The following CCDC7 variants were observed in gnomAD, a reference collection of about 807,000 sequenced individuals.
CCDC7 encodes coiled-coil domain containing 7.
CCDC7 carries 183 observed loss-of-function variants against 196.9 expected under a neutral mutation model. The observed-to-expected ratio is 0.93, with a 90% CI of 0.82 to 1.05. The LOEUF (loss-of-function observed/expected upper bound fraction) is 1.05. Among genes scored for constraint, CCDC7 ranks in the 50% least tolerant of loss-of-function variants. The probability of loss-of-function intolerance (pLI) is 0.00; values close to 1 mark genes in which losing one functional copy is unlikely to be tolerated. For missense variants in CCDC7, 1,540 were observed against 1,482.2 expected, an observed-to-expected ratio of 1.04 and a Z score of -0.64; for synonymous variants, 525 against 484.6, an observed-to-expected ratio of 1.08 and a Z score of -1.10.
chr10:32,620,037 C>G (rs1019030227), intron 18 of CCDC7, among the ~76,000 whole-genome samples: 1 of 148,754 alleles, frequency 6.7e-6, no homozygotes, highest in Admixed American at 6.8e-5. Flanking sequence ...ATTTTCCTGC[C>G]TCAGCCTCCT....
At chr10:32,447,098 C>T (rs1315246224), upstream of CCDC7, among the ~76,000 whole-genome samples, 1 of 152,094 alleles carries the variant, frequency 6.6e-6, no homozygotes, top group Middle Eastern at 3.2e-3. Flanking sequence ...TTCTTTACTC[C>T]CTTTTATAGT....
chr10:32,517,831 ACAG>A, intron 9 of CCDC7, 111 bp from the exon 11 acceptor site: 1 of 1,142,158 alleles, frequency 8.8e-7, no homozygotes, highest in Non-Finnish European at 1.2e-6. Flanking sequence ...GCAGAATAAA[ACAG>A]CAGCAACTAA....
chr10:32,596,142 G>T (rs1355295507), intron 18 of CCDC7, among the ~76,000 whole-genome samples: 1 of 152,118 alleles, frequency 6.6e-6, no homozygotes, highest in Non-Finnish European at 1.5e-5. Context: ...TGACAGTGGG[G>T]TGTTAAAATC....
intron 32 of CCDC7, among the ~76,000 whole-genome samples, chr10:32,831,327 A>G (rs1000829839): frequency 6.6e-6 from 1 of 152,208 alleles, no homozygotes; most frequent in Admixed American, 6.5e-5. Flanking sequence ...GTGAGCAGTG[A>G]GTGAATGCAA....
At chr10:32,621,829 C>T (rs939308735) in intron 18 of CCDC7, among the ~76,000 whole-genome samples, 11 of 152,174 alleles carry the variant, frequency 7.2e-5, no homozygotes, top group African/African-American at 2.7e-4. Flanking sequence ...TGGATGACAC[C>T]TGTCCACATT....
rs1379748861 is a variant in CCDC7 at position 32,729,004 on chromosome 10, A to G, written c.2779+7A>G. 2 of 1,519,520 alleles carry G rather than the reference A, an allele frequency of 1.3e-6. No homozygotes were observed. Among genetic ancestry groups the G allele is most frequent in the Non-Finnish European group, 9.1e-7 (1 of 1,101,106 alleles). 94.1% of individuals were successfully genotyped at this position (1,519,520 alleles called of 1,614,324 possible). ...GGAGTGGAAAGACACAAGAGTGAGT[A>G]TAATAATTATCGATAACTTTAAATT... On this transcript the variant is annotated splice_region_variant and intron_variant, in intron 27 of 41. Transcript: ENST00000639629.
chr10:32,488,794 G>A (rs565655623), intron 8 of CCDC7, among the ~76,000 whole-genome samples: 25 of 152,046 alleles, frequency 1.6e-4, no homozygotes, highest in Admixed American at 1.4e-3. Context: ...TGAATATTTC[G>A]TCAGATATTG....
intron 28 of CCDC7, among the ~76,000 whole-genome samples, chr10:32,741,307 CAGAT>C (rs2085797334): frequency 6.6e-6 from 1 of 152,168 alleles, no homozygotes; most frequent in African/African-American, 2.4e-5. Context: ...GCCACCAAAA[CAGAT>C]AGTCTTTTCA....
chr10:32,870,368 TG>T, intron 41 of CCDC7, among the ~76,000 whole-genome samples: 1 of 152,286 alleles, frequency 6.6e-6, no homozygotes, highest in East Asian at 1.9e-4. Flanking sequence ...CAATTGTGAA[TG>T]GGAGTTCACT....
At chr10:32,641,035 T>A (rs2066703430) in intron 20 of CCDC7, among the ~76,000 whole-genome samples, 2 of 152,206 alleles carry the variant, frequency 1.3e-5, no homozygotes, top group Non-Finnish European at 2.9e-5. Context: ...GTTACTCTGA[T>A]GGTCTTCCCT....
At chr10:32,575,344 G>T (rs999744669) in intron 16 of CCDC7, among the ~76,000 whole-genome samples, 1 of 152,158 alleles carries the variant, frequency 6.6e-6, no homozygotes, top group African/African-American at 2.4e-5. Flanking sequence ...TACACAAGGG[G>T]CATATTACTA....
intron 41 of CCDC7, among the ~76,000 whole-genome samples, chr10:32,873,422 A>G (rs1417333333): frequency 6.6e-6 from 1 of 151,824 alleles, no homozygotes; most frequent in Non-Finnish European, 1.5e-5. Flanking sequence ...TGGTTATTCT[A>G]GTTAGCCATT....
intron 21 of CCDC7, among the ~76,000 whole-genome samples, chr10:32,672,271 G>A (rs1290033076): frequency 6.6e-6 from 1 of 152,172 alleles, no homozygotes; most frequent in Non-Finnish European, 1.5e-5. Flanking sequence ...AGTTTGAGCT[G>A]CTCTGGAGTT....
intron 22 of CCDC7, among the ~76,000 whole-genome samples, 186 bp from the exon 24 acceptor site, chr10:32,688,867 T>C (rs2076756061): frequency 1.3e-5 from 2 of 152,218 alleles, no homozygotes; most frequent in Admixed American, 1.3e-4. Context: ...TATGGTGAGA[T>C]AGTTTCAACA....
intron 21 of CCDC7, among the ~76,000 whole-genome samples, chr10:32,673,144 G>A (rs955160901): frequency 6.6e-6 from 1 of 152,056 alleles, no homozygotes; most frequent in African/African-American, 2.4e-5. Flanking sequence ...TGTTACATTG[G>A]TGTATATGTC....
chr10:32,640,234 G>A lies in CCDC7; in HGVS notation c.2014+5076G>A, dbSNP rs535406021. On this transcript the variant is annotated intron_variant, in intron 20 of 41. Coordinates refer to ENST00000639629, the Ensembl canonical transcript of CCDC7. ...ATGAATCTGGGTGCTCCTGTATTGG[G>A]TGCATACATATTTAGGATAGTCAGC... Among the ~76,000 whole-genome samples the A allele has an allele frequency of 8.3e-4, 127 of 152,234 alleles. 3 individuals are homozygous for A. The highest frequency in any genetic ancestry group is 7.7e-3 in the South Asian group (37 of 4,804).
Position 32,692,760 on chromosome 10 carries a change from G to A in CCDC7, c.2345-2119G>A, listed in dbSNP as rs534033708. Among the ~76,000 whole-genome samples, 7 of 152,300 alleles carry A rather than the reference G, an allele frequency of 4.6e-5. No homozygotes were observed. In the South Asian group the frequency reaches 1.5e-3, roughly 32 times the overall value. On this transcript the variant is annotated intron_variant, in intron 23 of 41. Coordinates refer to ENST00000639629, the Ensembl canonical transcript of CCDC7. ...ATTAAAAGCCATAGCCTAGATAGAG[G>A]CAGGTCCCCAGCTCTACCAGTGTCC...
At chr10:32,676,026 C>T (rs1392389506) in intron 21 of CCDC7, among the ~76,000 whole-genome samples, 1 of 151,464 alleles carries the variant, frequency 6.6e-6, no homozygotes, top group African/African-American at 2.4e-5. Context: ...GGTACTGGTA[C>T]CAAAACAGAG....
intron 21 of CCDC7, among the ~76,000 whole-genome samples, chr10:32,677,550 C>T (rs1335734446): frequency 6.6e-6 from 1 of 151,804 alleles, no homozygotes; most frequent in Admixed American, 6.6e-5. Context: ...TTATTTCATT[C>T]TCTTCTGGCC....
Sources: gnomAD v4.1 joint callset for allele counts (sites outside exome capture counted in the v4.1 genomes callset) on GRCh38, gnomAD v4.1.1 for gene constraint, MANE v1.5 for transcripts, NCBI Gene and HGNC (gene_info 2026-07-23, HGNC 2026-07-21) for gene names.